Variants in PRUNE2 observed in about 807,000 individuals in gnomAD.
PRUNE2 encodes the protein protein prune homolog 2.
Under a neutral mutation model 252.0 loss-of-function variants are expected in PRUNE2, and 164 were observed. That is an observed-to-expected ratio of 0.65 (90% CI 0.57 to 0.74). The LOEUF (loss-of-function observed/expected upper bound fraction) is 0.74, where lower values mean the gene tolerates loss of function less well. Ranked by LOEUF, PRUNE2 falls within the 30% of genes least tolerant of loss-of-function variation. The pLI, the probability that PRUNE2 is intolerant of heterozygous loss-of-function variation, is 0.00. For missense variants in PRUNE2, 3,495 were observed against 3,711.0 expected (o/e 0.94, Z 1.51); for synonymous variants, 1,292 against 1,350.2 (o/e 0.96, Z 0.94).
chr9:76,785,715 G>A (rs2054904832), intron 6 of PRUNE2: 1 of 150,582 alleles, frequency 6.6e-6, no homozygotes, highest in Admixed American at 6.6e-5. Flanking sequence ...AGCTACTCAG[G>A]ACCAGTTGTT....
At chr9:76,627,262 G>A (rs1835249896) in intron 16 of PRUNE2, among the ~76,000 whole-genome samples, 1 of 135,524 alleles carries the variant, frequency 7.4e-6, no homozygotes, top group Admixed American at 8.5e-5. Context: ...TACCACACCC[G>A]GCTAATTTTT....
At chr9:76,679,923 G>T (rs914877774) in intron 9 of PRUNE2, among the ~76,000 whole-genome samples, 1 of 152,004 alleles carries the variant, frequency 6.6e-6, no homozygotes, top group Non-Finnish European at 1.5e-5. Context: ...ATAAAACATA[G>T]AAGAAAAACT....
chr9:76,706,114 G>A lies in PRUNE2; in HGVS notation c.6160C>T (p.His2054Tyr). 1 of 1,614,016 alleles carries A rather than the reference G, an allele frequency of 6.2e-7. No homozygotes were observed. Among genetic ancestry groups the A allele is most frequent in the Non-Finnish European group, 8.5e-7 (1 of 1,179,872 alleles). ...SRGTFVPDILHGNFQEGGQLA... is the reference protein window; with the variant it reads ...SRGTFVPDILYGNFQEGGQLA... ...TGCCCACCCTCTTGAAAGTTGCCAT[G>A]TAAAATATCTGGCACAAAGGTACCT... Residue 2054 changes from histidine (H) to tyrosine (Y), a missense_variant, in exon 8 of 19, where the codon CAT (histidine) becomes TAT (tyrosine). By Grantham distance (83) the His-to-Tyr change is moderately conservative. Transcript: ENST00000376718.
intron 6 of PRUNE2, among the ~76,000 whole-genome samples, chr9:76,730,187 A>G (rs1388726666): frequency 6.6e-6 from 1 of 152,214 alleles, no homozygotes; most frequent in Non-Finnish European, 1.5e-5. Flanking sequence ...TGTTCAGTCT[A>G]GAGAGTTTTT....
At chr9:76,806,297 G>C (rs1169396358) in intron 6 of PRUNE2, among the ~76,000 whole-genome samples, 1 of 152,166 alleles carries the variant, frequency 6.6e-6, no homozygotes, top group African/African-American at 2.4e-5. Flanking sequence ...TAGGCTAAGA[G>C]AAATCAGGAT....
At chr9:76,853,780 T>A (rs2060093842) in intron 2 of PRUNE2, among the ~76,000 whole-genome samples, 1 of 152,252 alleles carries the variant, frequency 6.6e-6, no homozygotes, top group South Asian at 2.1e-4. Context: ...GAAATCTGAT[T>A]CTTACTTTTA....
chr9:76,801,392 C>T (rs2056542028), intron 6 of PRUNE2, among the ~76,000 whole-genome samples: 1 of 152,042 alleles, frequency 6.6e-6, no homozygotes, highest in South Asian at 2.1e-4. Flanking sequence ...ATTCAACATC[C>T]CTTAGCAGAT....
At chr9:76,873,522 G>A (rs1034372880) in intron 1 of PRUNE2, among the ~76,000 whole-genome samples, 5 of 152,080 alleles carry the variant, frequency 3.3e-5, no homozygotes, top group African/African-American at 1.2e-4. Context: ...CTTTTCAAGG[G>A]ATCGCTGGTA....
Position 76,709,621 on chromosome 9 carries a change from C to G in PRUNE2, c.2653G>C (p.Asp885His), listed in dbSNP as rs762102509. The G allele has an allele frequency of 6.2e-7, 1 of 1,613,986 alleles. No individual in the cohort carries two copies. The highest frequency in any genetic ancestry group is 8.5e-7 in the Non-Finnish European group (1 of 1,179,896). The stretch of plus-strand genomic sequence containing the variant: ...GAATTAGTCCATGTGTGATCCAGAT[C>G]AGAACTGGGATTTCCAGGTGCAAAG... ...HIFAPGNPSS[D>H]LDHTWTNSKP... The change falls in exon 8 of 19, where the codon GAT becomes CAT. Residue 885 changes from aspartate (D) to histidine (H), a missense_variant. Coordinates refer to ENST00000376718, the MANE Select transcript of PRUNE2 (RefSeq NM_015225.3).
Position 76,707,131 on chromosome 9 carries a change from T to C in PRUNE2, c.5143A>G (p.Arg1715Gly), listed in dbSNP as rs1564101227. The C allele has an allele frequency of 6.2e-7, 1 of 1,613,986 alleles. No individual in the cohort carries two copies. The highest frequency in any genetic ancestry group is 1.6e-4 in the Middle Eastern group (1 of 6,062). ...ANCHVAEDESRAWDSLNESNK... is the reference protein window; with the variant it reads ...ANCHVAEDESGAWDSLNESNK... ...GATTCATTCAATGAATCCCAAGCTC[T>C]GGATTCATCCTCAGCAACGTGGCAG... The change falls in exon 8 of 19, where the codon AGA (arginine) becomes GGA (glycine). Residue 1715 changes from arginine to glycine, a missense_variant. Coordinates refer to ENST00000376718, the MANE Select transcript of PRUNE2 (RefSeq NM_015225.3).
chr9:76,635,003 C>T (rs1456254950), intron 15 of PRUNE2, among the ~76,000 whole-genome samples: 1 of 152,126 alleles, frequency 6.6e-6, no homozygotes, highest in Admixed American at 6.6e-5. Context: ...GGCACAGTCT[C>T]ACTCTGTTGC....
intron 10 of PRUNE2, among the ~76,000 whole-genome samples, 191 bp downstream of exon 10, chr9:76,655,232 A>G (rs890339312): frequency 1.3e-5 from 2 of 152,218 alleles, no homozygotes; most frequent in East Asian, 1.9e-4. Context: ...ACTAGCGAGC[A>G]TCAGTATTCA....
chr9:76,708,567 C>G lies in PRUNE2; in HGVS notation c.3707G>C (p.Gly1236Ala). ...DKDMSSFMLP[G>A]SSHITDSEQR... ...CTCTGAATCTGTGATATGTGAGGAG[C>G]CTGGTAACATGAATGATGACATGTC... The change falls in exon 8 of 19, where the codon GGC becomes GCC. Residue 1236 changes from glycine (G) to alanine (A), a missense_variant. Coordinates refer to ENST00000376718, the MANE Select transcript of PRUNE2 (RefSeq NM_015225.3). 6.2e-7 allele frequency: 1 copy of G among 1,613,932 alleles called. No homozygotes were observed. The highest frequency in any genetic ancestry group is 8.5e-7 in the Non-Finnish European group (1 of 1,179,870).
At position 76,705,333 on chromosome 9, in the gene PRUNE2, C is replaced by A; in HGVS notation, c.6941G>T (p.Gly2314Val). 1.2e-6 allele frequency: 2 copies of A among 1,613,974 alleles called. No individual in the cohort carries two copies. Among genetic ancestry groups the A allele is most frequent in the Middle Eastern group, 1.6e-4 (1 of 6,062 alleles). ...SDASGLNTST[G>V]TIDDMSKLTL... ...CAGTTTACTCATGTCATCTATTGTTCCCGTGGATGTGTTGAGACCTGAGGC... is the reference window on the plus strand; with the variant it reads ...CAGTTTACTCATGTCATCTATTGTTACCGTGGATGTGTTGAGACCTGAGGC... Residue 2314 changes from glycine to valine, a missense_variant, in exon 8 of 19, where the codon GGA (glycine) becomes GTA (valine). Gly to Val is a moderately radical substitution (Grantham distance 109). Coordinates refer to ENST00000376718, the MANE Select transcript of PRUNE2 (RefSeq NM_015225.3).
At chr9:76,722,359 C>T (rs190924627) in intron 6 of PRUNE2, among the ~76,000 whole-genome samples, 8 of 151,880 alleles carry the variant, frequency 5.3e-5, no homozygotes, top group South Asian at 2.1e-4. Context: ...TGTGAGCCAC[C>T]GCGCCCAGCC....
chr9:76,850,744 T>C (rs975661750), intron 2 of PRUNE2, 79 bp from the exon 3 acceptor site: 23 of 1,106,574 alleles, frequency 2.1e-5, no homozygotes, highest in Non-Finnish European at 3.0e-5. Flanking sequence ...AGCCTGGGGG[T>C]AACTGGTAAA....
At chr9:76,679,886 A>G (rs952436481) in intron 9 of PRUNE2, among the ~76,000 whole-genome samples, 1 of 152,350 alleles carries the variant, frequency 6.6e-6, no homozygotes, top group African/African-American at 2.4e-5. Flanking sequence ...CAATAAAAAC[A>G]TAAGACCCAA....
intron 1 of PRUNE2, among the ~76,000 whole-genome samples, chr9:76,901,173 C>T (rs58866313): frequency 0.043 from 6,616 of 152,176 alleles, 500 homozygotes; most frequent in African/African-American, 0.15. Flanking sequence ...TGGGACAATC[C>T]GCAGCTGTTC....
chr9:76,787,669 G>A (rs2055132684), intron 6 of PRUNE2: 1 of 152,072 alleles, frequency 6.6e-6, no homozygotes, highest in Non-Finnish European at 1.5e-5. Flanking sequence ...CATCGCACAT[G>A]CTCATCCCTT....
Sources: allele counts gnomAD v4.1 joint callset (sites outside exome capture counted in the v4.1 genomes callset), GRCh38; gene constraint gnomAD v4.1.1; transcripts MANE v1.5; gene names NCBI Gene and HGNC (gene_info 2026-07-23, HGNC 2026-07-21).